STAB2: variants seen among roughly 807,000 people sequenced by gnomAD.
STAB2 encodes stabilin-2.
In STAB2, 288 loss-of-function variants were observed where a neutral mutation model predicts 338.1. That is an observed-to-expected ratio of 0.85 (90% CI 0.77 to 0.94). The LOEUF is 0.94. STAB2 is among the 40% of genes least tolerant of loss of function. STAB2 has a pLI of 0.00. For synonymous variants in STAB2, 1,202 were observed against 1,193.3 expected (o/e 1.01, Z -0.15); for missense variants, 3,141 against 3,210.1 (o/e 0.98, Z 0.52).
intron 18 of STAB2, among the ~76,000 whole-genome samples, chr12:103,664,948 T>C (rs571440971): frequency 3.0e-4 from 46 of 152,290 alleles, no homozygotes; most frequent in African/African-American, 1.1e-3. Context: ...GAAACAAGGA[T>C]TGGGCAGGTG....
At chr12:103,656,348 A>C (rs1160407661) in intron 15 of STAB2, among the ~76,000 whole-genome samples, 1 of 152,220 alleles carries the variant, frequency 6.6e-6, no homozygotes, top group East Asian at 1.9e-4. Context: ...ATTATATAGA[A>C]TGTGGAGAGA....
At chr12:103,696,711 G>T (rs930818703) in intron 33 of STAB2, among the ~76,000 whole-genome samples, 1 of 152,144 alleles carries the variant, frequency 6.6e-6, no homozygotes, top group African/African-American at 2.4e-5. Flanking sequence ...ACCCCTCTAG[G>T]TCCCTGCTGC....
intron 50 of STAB2, 21 bp from the exon 51 acceptor site, chr12:103,732,985 G>A (rs1881755177): frequency 1.9e-6 from 3 of 1,611,388 alleles, no homozygotes; most frequent in South Asian, 2.2e-5. Context: ...GCCAGCAAGG[G>A]GCTGAATCCC....
At chr12:103,733,300 G>A in intron 51 of STAB2, 118 bp downstream of exon 51, 3 of 1,213,662 alleles carry the variant, frequency 2.5e-6, no homozygotes, top group Non-Finnish European at 2.4e-6. Flanking sequence ...CTGTATGCAG[G>A]AAGCCACAGC....
chr12:103,719,426 A>C (rs1566045174), intron 44 of STAB2, among the ~76,000 whole-genome samples: 1 of 152,232 alleles, frequency 6.6e-6, no homozygotes, highest in Non-Finnish European at 1.5e-5. Flanking sequence ...GGGTGAAAAC[A>C]ATAGAAATGT....
chr12:103,587,332 G>T lies in STAB2; in HGVS notation c.-145G>T, dbSNP rs1020351786. ...GAAGGCAGGTCTCACCTATCTCCTG[G>T]TTCGATCTAGGAAAAAGGAAAGGAA... is the stretch of plus-strand genomic sequence containing the variant. On this transcript the variant is annotated 5_prime_UTR_variant, in exon 1 of 69. Transcript: ENST00000388887. 11 of 707,794 alleles carry T rather than the reference G, an allele frequency of 1.6e-5. No homozygotes were observed. In the South Asian group the frequency reaches 1.7e-4, roughly 11 times the overall value. The allele number at this position is 707,794 out of a possible 1,614,324, so 43.8% of individuals were successfully genotyped here.
chr12:103,757,509 C>CT (rs1418309415), intron 63 of STAB2, among the ~76,000 whole-genome samples: 1 of 152,232 alleles, frequency 6.6e-6, no homozygotes, highest in African/African-American at 2.4e-5. Context: ...GATCCAGATC[C>CT]TATGGAAAAA....
At chr12:103,691,513 T>A (rs995312433) in intron 30 of STAB2, among the ~76,000 whole-genome samples, 3 of 152,228 alleles carry the variant, frequency 2.0e-5, no homozygotes, top group African/African-American at 7.2e-5. Context: ...GTATTTAAAG[T>A]GTACAATATG....
intron 2 of STAB2, 92 bp downstream of exon 2, chr12:103,591,122 T>C: frequency 1.9e-6 from 3 of 1,565,870 alleles, no homozygotes; most frequent in South Asian, 2.3e-5. Flanking sequence ...GACTTTTCTC[T>C]TGCTCTAAGA....
intron 31 of STAB2, among the ~76,000 whole-genome samples, chr12:103,693,658 T>C (rs1338764334): frequency 1.3e-5 from 2 of 152,180 alleles, no homozygotes; most frequent in African/African-American, 4.8e-5. Flanking sequence ...TTTTATTTTC[T>C]TCTAATACCC....
chr12:103,713,537 C>T lies in STAB2; in HGVS notation c.4412-106C>T, dbSNP rs184434357. ...TTGGCCATATTTAATCCAGTGCCTG[C>T]TCAAGTAGTTTTGCAGTATGTTCCA... On this transcript the variant is annotated intron_variant, in intron 41 of 68. Coordinates refer to ENST00000388887, the MANE Select transcript of STAB2 (RefSeq NM_017564.10). 149 of 1,517,102 alleles carry T rather than the reference C, an allele frequency of 9.8e-5. 1 individual carries two copies. The Admixed American group carries it at 9.8e-4, about 10-fold the overall frequency. The allele number at this position is 1,517,102 out of a possible 1,614,324, so 94.0% of individuals were successfully genotyped here. A position where few individuals can be genotyped will look rare whatever the true frequency, so the allele number is the denominator to read the frequency against.
chr12:103,643,510 C>A (rs1049020531), intron 9 of STAB2, among the ~76,000 whole-genome samples: 1 of 152,070 alleles, frequency 6.6e-6, no homozygotes, highest in African/African-American at 2.4e-5. Flanking sequence ...CCTCCCAGTG[C>A]TCTCTGATGC....
chr12:103,753,083 A>T lies in STAB2; in HGVS notation c.6581-137A>T. 10 of 959,482 alleles carry T rather than the reference A, an allele frequency of 1.0e-5. No individual in the cohort carries two copies. In the South Asian group the frequency reaches 2.0e-4, roughly 19 times the overall value. The allele number at this position is 959,482 out of a possible 1,614,324, so 59.4% of individuals were successfully genotyped here. Reference sequence around the variant, plus strand: ...ATTTTAAATGATGTACTTCAACATAACTTGAAGGGAAAGTGGCTTCTGGAG... The same window carrying T: ...ATTTTAAATGATGTACTTCAACATATCTTGAAGGGAAAGTGGCTTCTGGAG... On this transcript the variant is annotated intron_variant, in intron 60 of 68. Transcript: ENST00000388887.
chr12:103,655,369 G>T, intron 14 of STAB2, 62 bp downstream of exon 14: 1 of 1,602,356 alleles, frequency 6.2e-7, no homozygotes, highest in Non-Finnish European at 8.5e-7. Flanking sequence ...AAATTAGCAG[G>T]GGTGTCAATT....
At chr12:103,620,868 G>C (rs746985981) in intron 4 of STAB2, among the ~76,000 whole-genome samples, 8 of 152,140 alleles carry the variant, frequency 5.3e-5, no homozygotes, top group East Asian at 1.9e-4. Context: ...GAGGCCGAGT[G>C]GGGGAGGATC....
rs749692706 is a variant in STAB2 at position 103,703,226 on chromosome 12, C to G, written c.3793C>G (p.Leu1265Val). 1 of 1,613,974 alleles carries G rather than the reference C, an allele frequency of 6.2e-7. No individual in the cohort carries two copies. Among genetic ancestry groups the G allele is most frequent in the East Asian group, 2.2e-5 (1 of 44,868 alleles). The change falls in exon 35 of 69, where the codon CTG becomes GTG. Residue 1265 changes from leucine to valine, a missense_variant. Coordinates refer to ENST00000388887, the MANE Select transcript of STAB2 (RefSeq NM_017564.10). ...KGVIHGLGKV[L>V]EIQKNRCDNN... ...AGTGATCCATGGCTTGGGAAAAGTT[C>G]TGGAAATTCAGAAGAACAGATGTGA...
Position 103,705,003 on chromosome 12 carries a change from A to T in STAB2, c.3900+389A>T, listed in dbSNP as rs535775080. ...CCTTTTATAGTTGAAGTTGCAACTAACTTTCTCAAAGAAACAGATGGCAGG... is the reference window on the plus strand; with the variant it reads ...CCTTTTATAGTTGAAGTTGCAACTATCTTTCTCAAAGAAACAGATGGCAGG... On this transcript the variant is annotated intron_variant, in intron 36 of 68. Transcript: ENST00000388887. The T allele has an allele frequency of 2.4e-5, 4 of 164,786 alleles. No homozygotes were observed. The East Asian group carries it at 7.1e-4, about 29-fold the overall frequency. 10.2% of individuals were successfully genotyped at this position (164,786 alleles called of 1,614,324 possible).
intron 3 of STAB2, among the ~76,000 whole-genome samples, chr12:103,614,388 A>G (rs1222671347): frequency 1.3e-5 from 2 of 152,212 alleles, no homozygotes; most frequent in East Asian, 3.8e-4. Context: ...ATTGCAACAT[A>G]CCTGGTGGTA....
At chr12:103,721,952 A>G (rs11111735) in intron 44 of STAB2, among the ~76,000 whole-genome samples, 12,340 of 152,316 alleles carry the variant, frequency 0.081, 598 homozygotes, top group Admixed American at 0.13. Flanking sequence ...ACTCATGAAG[A>G]TAAGGATGGC....
Sources: allele counts gnomAD v4.1 joint callset (sites outside exome capture counted in the v4.1 genomes callset), GRCh38; gene constraint gnomAD v4.1.1; transcripts MANE v1.5; gene names NCBI Gene and HGNC (gene_info 2026-07-23, HGNC 2026-07-21).